Variants in KIRREL3 observed in about 807,000 individuals in gnomAD.
The protein encoded by KIRREL3 is kirre like nephrin family adhesion molecule 3.
A neutral mutation model predicts 89.7 loss-of-function variants in KIRREL3; 36 were observed. That is an observed-to-expected ratio of 0.40 (90% CI 0.31 to 0.53). KIRREL3 has a LOEUF of 0.53. Ranked by LOEUF, KIRREL3 falls within the 20% of genes least tolerant of loss-of-function variation. The pLI is 0.49. For synonymous variants in KIRREL3, 445 were observed against 441.4 expected (o/e 1.01, Z -0.10); for missense variants, 864 against 1,056.6 (o/e 0.82, Z 2.53).
At chr11:126,818,723 G>A (rs1951668277) in intron 1 of KIRREL3, among the ~76,000 whole-genome samples, 1 of 151,810 alleles carries the variant, frequency 6.6e-6, no homozygotes, top group Admixed American at 6.6e-5. Context: ...CATCCTTATT[G>A]ATTGACAGAT....
At chr11:126,425,754 TAGG>T in intron 15 of KIRREL3, 30 bp from the exon 16 acceptor site, 1 of 1,552,030 alleles carries the variant, frequency 6.4e-7, no homozygotes, top group Non-Finnish European at 8.8e-7. Flanking sequence ...GCTCAGTAGA[TAGG>T]AGGTGGCTAA....
chr11:126,559,498 T>A (rs1256369813), intron 2 of KIRREL3, among the ~76,000 whole-genome samples: 1 of 152,100 alleles, frequency 6.6e-6, no homozygotes, highest in Non-Finnish European at 1.5e-5. Context: ...TAATCACACA[T>A]CATGATAGGT....
chr11:126,532,595 C>T (rs993409660), intron 2 of KIRREL3, among the ~76,000 whole-genome samples: 4 of 152,144 alleles, frequency 2.6e-5, no homozygotes, highest in African/African-American at 7.2e-5. Flanking sequence ...AGACTGGTGT[C>T]GAACTCCTGA....
At chr11:126,456,323 CG>C in intron 7 of KIRREL3, 25 bp downstream of exon 7, 2 of 1,508,208 alleles carry the variant, frequency 1.3e-6, no homozygotes, top group Non-Finnish European at 1.8e-6. Flanking sequence ...GTGGCCAGGC[CG>C]GGCCCCCTCA....
chr11:126,730,039 C>A (rs1427782829), intron 1 of KIRREL3, among the ~76,000 whole-genome samples: 1 of 152,212 alleles, frequency 6.6e-6, no homozygotes, highest in African/African-American at 2.4e-5. Flanking sequence ...CCCTCTCAGT[C>A]CCCGTCCTGA....
chr11:126,951,648 C>T (rs1948777278), intron 1 of KIRREL3, among the ~76,000 whole-genome samples: 1 of 152,184 alleles, frequency 6.6e-6, no homozygotes, highest in Non-Finnish European at 1.5e-5. Flanking sequence ...CTACTTCCTC[C>T]TTCTCTTCAT....
chr11:126,446,148 CA>C (rs56820180), intron 9 of KIRREL3, among the ~76,000 whole-genome samples: 39,347 of 82,542 alleles, frequency 0.48, 6,423 homozygotes, highest in Admixed American at 0.51. Flanking sequence ...AACTCCATCT[CA>C]AAAAAAAAAA....
At chr11:126,440,414 G>A (rs973545926) in intron 11 of KIRREL3, 35 bp downstream of exon 11, 48 of 1,537,984 alleles carry the variant, frequency 3.1e-5, no homozygotes, top group Non-Finnish European at 4.0e-5. Flanking sequence ...TGGGCTGCTG[G>A]CCCGGCCCCC....
At position 126,636,510 on chromosome 11, in the gene KIRREL3, T is replaced by G. The variant is rs1944269529; in HGVS notation, c.56-73598A>C. Among the ~76,000 whole-genome samples the G allele has an allele frequency of 6.6e-6, 1 of 152,204 alleles. No homozygotes were observed. The highest frequency in any genetic ancestry group is 2.4e-5 in the African/African-American group (1 of 41,442). On this transcript the variant is annotated intron_variant, in intron 1 of 16. Transcript: ENST00000525144. This position sits in a 1 kb window ranked among gnomAD's most constrained non-coding sequence, Gnocchi z 4.4. ...CCACTGGATATGTGGCAGCTCTGCCTTCGTGTTGGGCTCACATTACAGACA... is the reference window on the plus strand; with the variant it reads ...CCACTGGATATGTGGCAGCTCTGCCGTCGTGTTGGGCTCACATTACAGACA...
chr11:126,994,938 C>A lies in KIRREL3; in HGVS notation c.55+5517G>T. 1 of 344,590 alleles carries A rather than the reference C, an allele frequency of 2.9e-6. No homozygotes were observed. Among genetic ancestry groups the A allele is most frequent in the South Asian group, 2.2e-5 (1 of 45,004 alleles). The allele number at this position is 344,590 out of a possible 1,614,324, so 21.3% of individuals were successfully genotyped here. A position where few individuals can be genotyped will look rare whatever the true frequency, so the allele number is the denominator to read the frequency against. ...CTATGTTCTTACTTGACCTGCACTT[C>A]TAACTGGGTAAATTCTGACTTTCTC... On this transcript the variant is annotated intron_variant, in intron 1 of 16. Transcript: ENST00000525144. This position sits in a 1 kb window ranked among gnomAD's most constrained non-coding sequence, Gnocchi z 5.2.
intron 1 of KIRREL3, among the ~76,000 whole-genome samples, chr11:126,567,191 G>A (rs1292038707): frequency 6.6e-6 from 1 of 152,230 alleles, no homozygotes; most frequent in Non-Finnish European, 1.5e-5. Flanking sequence ...CTTGTTTGGA[G>A]ATAGGAAATT....
intron 1 of KIRREL3, among the ~76,000 whole-genome samples, chr11:126,959,345 G>T (rs891450265): frequency 6.6e-6 from 1 of 151,792 alleles, no homozygotes; most frequent in East Asian, 1.9e-4. Context: ...ACATGTGCAC[G>T]TGCATGCGAG....
In KIRREL3 at chr11:126,674,389, T is replaced by G. The variant is rs918819656; in HGVS notation, c.56-111477A>C. On this transcript the variant is annotated intron_variant, in intron 1 of 16. Transcript: ENST00000525144. ...GTTCTCATAAGTCCTGATTTCATACTAAGACATCCAGACAAAGAGGTAGCA... is the reference window on the plus strand; with the variant it reads ...GTTCTCATAAGTCCTGATTTCATACGAAGACATCCAGACAAAGAGGTAGCA... 2.6e-5 allele frequency among the ~76,000 whole-genome samples: 4 copies of G among 152,332 alleles called. No individual in the cohort carries two copies. In the East Asian group the frequency reaches 5.8e-4, roughly 22 times the overall value.
intron 1 of KIRREL3, among the ~76,000 whole-genome samples, chr11:126,801,629 C>A (rs1349794512): frequency 1.3e-5 from 2 of 152,186 alleles, no homozygotes; most frequent in African/African-American, 2.4e-5. Flanking sequence ...GGGACCTTGG[C>A]CAGGCACTTT....
At chr11:126,937,921 A>C (rs542426127) in intron 1 of KIRREL3, among the ~76,000 whole-genome samples, 22 of 152,104 alleles carry the variant, frequency 1.4e-4, no homozygotes, top group East Asian at 5.8e-4. Context: ...ACCAAAAAAA[A>C]CCCACAGCAG....
chr11:126,519,761 T>C lies in KIRREL3; in HGVS notation c.433+1554A>G, dbSNP rs988409392. On this transcript the variant is annotated intron_variant, in intron 4 of 16. Coordinates refer to ENST00000525144, the MANE Select transcript of KIRREL3 (RefSeq NM_032531.4). The surrounding 1 kb of genome is among the most constrained non-coding windows in gnomAD (Gnocchi z 4.3). ...TTCTGGCATTTTGCAATCCTCAAAA[T>C]CAGAAACAATATGAGGCCCTAATTC... Among the ~76,000 whole-genome samples the C allele has an allele frequency of 4.6e-5, 7 of 152,048 alleles. No individual in the cohort carries two copies. Among genetic ancestry groups the C allele is most frequent in the African/African-American group, 1.7e-4 (7 of 41,380 alleles).
rs1186674409 is a variant in KIRREL3 at position 126,870,409 on chromosome 11, G to T, written c.55+130046C>A. On this transcript the variant is annotated intron_variant, in intron 1 of 16. Coordinates refer to ENST00000525144, the MANE Select transcript of KIRREL3 (RefSeq NM_032531.4). The surrounding 1 kb of genome is among the most constrained non-coding windows in gnomAD (Gnocchi z 4.4). ...TCCAGTCAAGTGGCTCGCCACTTAG[G>T]TCTGAACCAAAGAGCTAAACAGGAG... 2.0e-5 allele frequency among the ~76,000 whole-genome samples: 3 copies of T among 152,242 alleles called. No homozygotes were observed. The highest frequency in any genetic ancestry group is 7.2e-5 in the African/African-American group (3 of 41,478).
At chr11:126,690,361 G>GTT (rs368699048) in intron 1 of KIRREL3, among the ~76,000 whole-genome samples, 25,868 of 144,304 alleles carry the variant, frequency 0.18, 2,442 homozygotes, top group African/African-American at 0.2. Flanking sequence ...TCTAAGCAGG[G>GTT]GTTTTTTTTT....
In KIRREL3 at chr11:126,611,861, C is replaced by T. The variant is rs1943143693; in HGVS notation, c.56-48949G>A. 6.6e-6 allele frequency among the ~76,000 whole-genome samples: 1 copy of T among 152,220 alleles called. No individual in the cohort carries two copies. Among genetic ancestry groups the T allele is most frequent in the Non-Finnish European group, 1.5e-5 (1 of 68,046 alleles). ...GCTGGAACACCAGATTCTTAATCAA[C>T]TGTAGGTGCTACTGTCGCTCTAGGA... On this transcript the variant is annotated intron_variant, in intron 1 of 16. Transcript: ENST00000525144. This position sits in a 1 kb window ranked among gnomAD's most constrained non-coding sequence, Gnocchi z 4.7.
Sources: gnomAD v4.1 joint callset for allele counts (sites outside exome capture counted in the v4.1 genomes callset) on GRCh38, gnomAD v4.1.1 for gene constraint, Gnocchi (gnomAD v3.1) non-coding constraint, MANE v1.5 for transcripts, NCBI Gene and HGNC (gene_info 2026-07-23, HGNC 2026-07-21) for gene names.